The following ATRNL1 variants were observed in gnomAD, a reference collection of about 807,000 sequenced individuals.
ATRNL1 encodes the protein attractin like 1, also known as attractin-like protein 1.
Under a neutral mutation model 182.7 loss-of-function variants are expected in ATRNL1, and 95 were observed. The observed-to-expected ratio is 0.52, with a 90% confidence interval of 0.44 to 0.62. The LOEUF (loss-of-function observed/expected upper bound fraction) is 0.62. Ranked by LOEUF, ATRNL1 falls within the 20% of genes least tolerant of loss-of-function variation. ATRNL1 has a pLI of 0.00. For missense variants in ATRNL1, 1,471 were observed against 1,679.5 expected, an observed-to-expected ratio of 0.88 and a Z score of 2.17; for synonymous variants, 576 against 568.3, an observed-to-expected ratio of 1.01 and a Z score of -0.19.
intron 26 of ATRNL1, among the ~76,000 whole-genome samples, chr10:115,663,527 GA>G: frequency 6.6e-6 from 1 of 151,708 alleles, no homozygotes; most frequent in Non-Finnish European, 1.5e-5. Flanking sequence ...ATTCTGCTTG[GA>G]AAAGGATGAC....
chr10:115,318,807 C>G (rs2172669), intron 18 of ATRNL1, among the ~76,000 whole-genome samples: 33,012 of 151,728 alleles, frequency 0.22, 4,586 homozygotes, highest in Non-Finnish European at 0.31. Context: ...GTCTAGCTAG[C>G]ATTCTCTCTA....
At chr10:115,286,068 A>G (rs553856388) in intron 14 of ATRNL1, 148 bp from the exon 15 acceptor site, 12 of 517,132 alleles carry the variant, frequency 2.3e-5, no homozygotes, top group Non-Finnish European at 3.4e-5. Context: ...CTACCAAACT[A>G]TTAGAAAAAT....
chr10:115,357,824 A>G (rs1592513891), intron 19 of ATRNL1, among the ~76,000 whole-genome samples: 2 of 151,690 alleles, frequency 1.3e-5, no homozygotes, highest in East Asian at 3.9e-4. Flanking sequence ...GAACATTTCC[A>G]AAGTCCCACT....
chr10:115,856,486 C>A (rs573258350), intron 28 of ATRNL1, among the ~76,000 whole-genome samples: 68 of 136,340 alleles, frequency 5.0e-4, no homozygotes, highest in African/African-American at 1.7e-3. Flanking sequence ...CTATTCTTTG[C>A]ACCATGCTGT....
chr10:115,621,298 G>GAGAGAGAGAA, intron 26 of ATRNL1, among the ~76,000 whole-genome samples: 1 of 132,920 alleles, frequency 7.5e-6, no homozygotes, highest in African/African-American at 3.0e-5. Context: ...GAGAGAGAGA[G>GAGAGAGAGAA]AGAGAGAGAG....
chr10:115,124,233 G>C (rs1191795216), intron 3 of ATRNL1, among the ~76,000 whole-genome samples: 2 of 151,982 alleles, frequency 1.3e-5, no homozygotes, highest in African/African-American at 4.8e-5. Flanking sequence ...CACCTACTCT[G>C]ACCATCTGGC....
intron 21 of ATRNL1, among the ~76,000 whole-genome samples, chr10:115,432,173 A>G (rs1846202677): frequency 6.6e-6 from 1 of 152,174 alleles, no homozygotes; most frequent in African/African-American, 2.4e-5. Context: ...AATCAGTTTT[A>G]AAAGTCATTA....
At chr10:115,851,173 G>C (rs1477756898) in intron 28 of ATRNL1, among the ~76,000 whole-genome samples, 12 of 151,766 alleles carry the variant, frequency 7.9e-5, no homozygotes, top group African/African-American at 2.7e-4. Context: ...AAATGTCAGT[G>C]TCATGTGTAC....
chr10:115,696,076 T>G (rs528749254), intron 26 of ATRNL1, among the ~76,000 whole-genome samples: 1 of 152,252 alleles, frequency 6.6e-6, no homozygotes, highest in East Asian at 1.9e-4. Flanking sequence ...TTTTTTGTAT[T>G]TTTAGTAGAG....
intron 28 of ATRNL1, among the ~76,000 whole-genome samples, chr10:115,920,169 C>T (rs1442871293): frequency 1.3e-5 from 2 of 152,188 alleles, no homozygotes; most frequent in Non-Finnish European, 2.9e-5. Flanking sequence ...CATTATTCCC[C>T]ACTACTCCAT....
chr10:115,543,208 A>G (rs1431611965), intron 25 of ATRNL1, among the ~76,000 whole-genome samples: 1 of 152,210 alleles, frequency 6.6e-6, no homozygotes, highest in Non-Finnish European at 1.5e-5. Flanking sequence ...AACCCTCAGA[A>G]GTTTGACCAA....
chr10:115,738,024 A>G lies in ATRNL1; in HGVS notation c.3903+10669A>G, dbSNP rs2134088564. 1.3e-5 allele frequency among the ~76,000 whole-genome samples: 2 copies of G among 151,024 alleles called. 1 individual carries two copies. The highest frequency in any genetic ancestry group is 4.9e-5 in the African/African-American group (2 of 41,156). ...TAGTTGCCTATAGGCCCCATGAGCC[A>G]TTTGCCTTAAGAGAGGGAGATGATT... On this transcript the variant is annotated intron_variant, in intron 27 of 28. Transcript: ENST00000355044.
At chr10:115,943,149 C>T (rs557682561) in intron 28 of ATRNL1, among the ~76,000 whole-genome samples, 1 of 152,212 alleles carries the variant, frequency 6.6e-6, no homozygotes, top group Admixed American at 6.5e-5. Context: ...AGTGGTCTTT[C>T]TTCCATGTCC....
chr10:115,870,585 C>G (rs959933184), intron 28 of ATRNL1, among the ~76,000 whole-genome samples: 2 of 152,204 alleles, frequency 1.3e-5, no homozygotes, highest in Non-Finnish European at 1.5e-5. Context: ...ACTAAGTAAC[C>G]AGATTCCAAA....
chr10:115,818,140 A>C (rs1375764325), intron 27 of ATRNL1, among the ~76,000 whole-genome samples: 2 of 151,310 alleles, frequency 1.3e-5, no homozygotes, highest in African/African-American at 4.9e-5. Context: ...GTTTAGAAAC[A>C]AATTTTCTTA....
At chr10:115,137,131 G>A (rs566485160) in intron 5 of ATRNL1, among the ~76,000 whole-genome samples, 37 of 152,288 alleles carry the variant, frequency 2.4e-4, no homozygotes, top group Admixed American at 2.2e-3. Flanking sequence ...GGAGGTGGAG[G>A]TTGTGAGCCA....
chr10:115,795,664 G>A (rs1949636428), intron 27 of ATRNL1, among the ~76,000 whole-genome samples: 1 of 152,096 alleles, frequency 6.6e-6, no homozygotes, highest in African/African-American at 2.4e-5. Flanking sequence ...ATCATTACAT[G>A]GCTGGCAGGA....
intron 27 of ATRNL1, among the ~76,000 whole-genome samples, chr10:115,740,107 A>G (rs1318867388): frequency 2.2e-4 from 2 of 9,060 alleles, no homozygotes; most frequent in Admixed American, 2.3e-3. Flanking sequence ...ATAATGTTAT[A>G]CTTTAGATAA....
chr10:115,893,214 C>A (rs1485781139), intron 28 of ATRNL1, among the ~76,000 whole-genome samples: 1 of 152,054 alleles, frequency 6.6e-6, no homozygotes, highest in Non-Finnish European at 1.5e-5. Context: ...GAAATGGGGG[C>A]AGAACATGGA....
Sources: allele counts gnomAD v4.1 joint callset (sites outside exome capture counted in the v4.1 genomes callset), GRCh38; gene constraint gnomAD v4.1.1; transcripts MANE v1.5; gene names NCBI Gene and HGNC (gene_info 2026-07-23, HGNC 2026-07-21).